The following ARL17B variants were observed in gnomAD, a reference collection of about 807,000 sequenced individuals.
The protein encoded by ARL17B is ARF like GTPase 17B.
At chr17:46,332,935 A>G (rs572909378), downstream of ARL17B, among the ~76,000 whole-genome samples, 4 of 151,606 alleles carry the variant, frequency 2.6e-5, no homozygotes, top group East Asian at 5.8e-4. Context: ...TCTCCCACCC[A>G]AAACTATGTC....
At chr17:46,279,985 T>C (rs17665188) in intron 4 of ARL17B, among the ~76,000 whole-genome samples, 21,701 of 152,034 alleles carry the variant, frequency 0.14, 1,875 homozygotes, top group Non-Finnish European at 0.22. Flanking sequence ...AGGATTTGGA[T>C]TGCTTACCGC....
chr17:46,340,092 C>T (rs2052466791), intron 3 of ARL17B, among the ~76,000 whole-genome samples: 1 of 97,624 alleles, frequency 1.0e-5, no homozygotes, highest in Non-Finnish European at 2.4e-5. Flanking sequence ...AATGTTTTCA[C>T]TGGAATGAAA....
chr17:46,282,833 T>TG (rs1186958610), intron 4 of ARL17B, among the ~76,000 whole-genome samples: 1 of 152,276 alleles, frequency 6.6e-6, no homozygotes, highest in East Asian at 1.9e-4. Flanking sequence ...AAGATCACTG[T>TG]GGGGGCTGGG....
At chr17:46,285,659 AGATT>A (rs1325054663) in intron 4 of ARL17B, among the ~76,000 whole-genome samples, 1 of 152,230 alleles carries the variant, frequency 6.6e-6, no homozygotes, top group Non-Finnish European at 1.5e-5. Flanking sequence ...GAGTCACGTT[AGATT>A]ATCTGAGTGT....
intron 4 of ARL17B, among the ~76,000 whole-genome samples, chr17:46,288,305 CTTTTTT>C (rs78255121): frequency 5.3e-5 from 6 of 112,248 alleles, no homozygotes; most frequent in Admixed American, 9.2e-5. Flanking sequence ...CCAGGCCCGG[CTTTTTT>C]TTTTTTTTTT....
chr17:46,279,505 T>TC (rs71138540), intron 4 of ARL17B, among the ~76,000 whole-genome samples: 11,831 of 134,698 alleles, frequency 0.088, 509 homozygotes, highest in Middle Eastern at 0.14. Context: ...TCTTTCTTTT[T>TC]TTTTTTTTTT....
intron 4 of ARL17B, among the ~76,000 whole-genome samples, chr17:46,284,699 T>A (rs2049858193): frequency 6.6e-6 from 1 of 152,228 alleles, no homozygotes; most frequent in South Asian, 2.1e-4. Flanking sequence ...GTGGGATGGG[T>A]TCAAAGTGTG....
chr17:46,291,118 T>G (rs565852249), intron 4 of ARL17B, among the ~76,000 whole-genome samples: 2 of 152,354 alleles, frequency 1.3e-5, no homozygotes, highest in South Asian at 4.1e-4. Context: ...CCTTCTCTAT[T>G]TATAGAGAGA....
At chr17:46,276,765 T>TG (rs2049596520) in intron 4 of ARL17B, among the ~76,000 whole-genome samples, 2 of 152,114 alleles carry the variant, frequency 1.3e-5, no homozygotes, top group African/African-American at 4.8e-5. Context: ...TACAATTCTT[T>TG]GCATTGTAAT....
intron 2 of ARL17B, among the ~76,000 whole-genome samples, chr17:46,357,272 T>G (rs569983147): frequency 2.1e-5 from 2 of 96,936 alleles, no homozygotes; most frequent in African/African-American, 8.3e-5. Flanking sequence ...CTGTGGGGTG[T>G]ATCCTCAGTC....
exon 5 of ARL17B, chr17:46,275,405 T>G (rs1306630229): frequency 5.0e-6 from 5 of 997,226 alleles, no homozygotes; most frequent in Non-Finnish European, 3.0e-6. Context: ...GACTGCAGTT[T>G]GTTGTTGTGA....
chr17:46,290,633 G>T (rs1238134612), intron 4 of ARL17B, among the ~76,000 whole-genome samples: 3 of 152,008 alleles, frequency 2.0e-5, no homozygotes, highest in Non-Finnish European at 4.4e-5. Context: ...TTTTAGTACA[G>T]ACGGGGTTTC....
intron 4 of ARL17B, among the ~76,000 whole-genome samples, chr17:46,282,659 C>G (rs1017742225): frequency 1.1e-4 from 16 of 151,120 alleles, no homozygotes; most frequent in African/African-American, 3.2e-4. Flanking sequence ...TGGCTTCAAG[C>G]TATTCTCCCC....
intron 3 of ARL17B, chr17:46,311,109 C>T (rs1178517773): frequency 7.6e-6 from 2 of 263,946 alleles, no homozygotes; most frequent in African/African-American, 8.8e-5. Context: ...TGCACTCCAG[C>T]CTGGGCAACA....
intron 2 of ARL17B, among the ~76,000 whole-genome samples, chr17:46,353,426 CT>C (rs1333366584): frequency 2.3e-5 from 1 of 44,316 alleles, no homozygotes; most frequent in Admixed American, 2.5e-4. Flanking sequence ...ATGCTTAAGC[CT>C]TTTACATCTT....
At chr17:46,291,288 A>G (rs918693846) in intron 4 of ARL17B, among the ~76,000 whole-genome samples, 1 of 152,244 alleles carries the variant, frequency 6.6e-6, no homozygotes, top group African/African-American at 2.4e-5. Flanking sequence ...AAGTGAGAGT[A>G]AAATATAAAA....
chr17:46,292,317 G>A (rs1316629614), intron 4 of ARL17B, among the ~76,000 whole-genome samples: 1 of 73,286 alleles, frequency 1.4e-5, no homozygotes, highest in East Asian at 2.6e-4. Flanking sequence ...GGGTGACAGA[G>A]CAAGACACTC....
At chr17:46,357,089 C>T (rs2052928865) in intron 2 of ARL17B, among the ~76,000 whole-genome samples, 1 of 72,696 alleles carries the variant, frequency 1.4e-5, no homozygotes, top group Non-Finnish European at 2.5e-5. Context: ...ATGAGAATCG[C>T]CTGAACCCAG....
At chr17:46,274,960 T>G (rs1322770048) in exon 5 of ARL17B, 1 of 154,712 alleles carries the variant, frequency 6.5e-6, no homozygotes, top group African/African-American at 2.4e-5. Flanking sequence ...TGGCTCAATC[T>G]CGGCTCAATA....
Sources: gnomAD v4.1 joint callset for allele counts (sites outside exome capture counted in the v4.1 genomes callset) on GRCh38, gnomAD v4.1.1 for gene constraint, MANE v1.5 for transcripts, NCBI Gene and HGNC (gene_info 2026-07-23, HGNC 2026-07-21) for gene names.